Variants in TFDP2 observed in about 807,000 individuals in gnomAD.
TFDP2 encodes transcription factor Dp-2 (E2F dimerization partner 2).
A neutral mutation model predicts 59.3 loss-of-function variants in TFDP2; 17 were observed. The ratio of observed to expected loss-of-function variants is 0.29; its 90% CI spans 0.20 to 0.43. TFDP2 has a LOEUF of 0.43. Ranked by LOEUF, TFDP2 falls within the 20% of genes least tolerant of loss-of-function variation. The pLI is 1.00. For missense variants in TFDP2, 391 were observed against 528.8 expected (o/e 0.74, Z 2.56); for synonymous variants, 180 against 194.7 (o/e 0.92, Z 0.63).
rs548974358 is a variant in TFDP2, at chr3:142,083,084, C to T, written c.82+9977G>A. ...TAGAAAGGAAGAAGTCAAATTATCC[C>T]TGTTTGCAGATAATATATTACATTT... On this transcript the variant is annotated intron_variant, in intron 3 of 12. Coordinates refer to ENST00000489671, the MANE Select transcript of TFDP2 (RefSeq NM_001178139.2). 9.2e-5 allele frequency among the ~76,000 whole-genome samples: 14 copies of T among 152,260 alleles called. No homozygotes were observed. The East Asian group carries it at 2.1e-3, about 23-fold the overall frequency.
intron 4 of TFDP2, among the ~76,000 whole-genome samples, chr3:142,002,242 G>A (rs1463811486): frequency 6.6e-6 from 1 of 151,374 alleles, no homozygotes; most frequent in African/African-American, 2.4e-5. Context: ...TGATCTGCCA[G>A]CCTTGGCCTC....
intron 4 of TFDP2, among the ~76,000 whole-genome samples, chr3:141,996,282 G>T (rs565722307): frequency 2.1e-4 from 32 of 152,278 alleles, no homozygotes; most frequent in African/African-American, 7.7e-4. Context: ...AAAAAAAGGG[G>T]AAGAGGCATG....
chr3:142,134,286 T>C (rs2062633566), intron 1 of TFDP2, among the ~76,000 whole-genome samples: 1 of 150,428 alleles, frequency 6.6e-6, no homozygotes, highest in African/African-American at 2.4e-5. Context: ...GAGGCAGAGG[T>C]TGCAGTGGGC....
chr3:142,080,300 A>G (rs1387085826), intron 3 of TFDP2, among the ~76,000 whole-genome samples: 1 of 152,136 alleles, frequency 6.6e-6, no homozygotes, highest in East Asian at 1.9e-4. Context: ...GGGTTATATT[A>G]TTTGCAAGCC....
In TFDP2 at chr3:142,064,957, T is replaced by C. The variant is rs149272975; in HGVS notation, c.82+28104A>G. ...TTTTTAAAAGGTAGTTCTTATTGAA[T>C]TGTAGTATCTAATTATTTAATATGG... On this transcript the variant is annotated intron_variant, in intron 3 of 12. Coordinates refer to ENST00000489671, the MANE Select transcript of TFDP2 (RefSeq NM_001178139.2). 1.4e-3 allele frequency among the ~76,000 whole-genome samples: 212 copies of C among 152,334 alleles called. 5 individuals are homozygous for C. In the East Asian group the frequency reaches 0.035, roughly 25 times the overall value.
At chr3:142,046,033 T>C (rs1947333369) in intron 3 of TFDP2, among the ~76,000 whole-genome samples, 1 of 152,164 alleles carries the variant, frequency 6.6e-6, no homozygotes, top group Admixed American at 6.5e-5. Context: ...CAAATTAAAA[T>C]TATATACTAT....
chr3:142,037,713 A>G (rs978300512), intron 3 of TFDP2, among the ~76,000 whole-genome samples: 6 of 152,334 alleles, frequency 3.9e-5, no homozygotes, highest in Middle Eastern at 3.4e-3. Context: ...CTTATCTGGG[A>G]CTACAGTAAA....
rs1416386497 is a variant in TFDP2 at position 141,955,020 on chromosome 3, T to C, written c.1052-2004A>G. On this transcript the variant is annotated intron_variant, in intron 11 of 12. Coordinates refer to ENST00000489671, the MANE Select transcript of TFDP2 (RefSeq NM_001178139.2). ...TCTAAGAAGAATAGCAGACTTTAAA[T>C]ACATTAAATAACGACAAGTCTGTAC... 6.6e-5 allele frequency among the ~76,000 whole-genome samples: 10 copies of C among 151,434 alleles called. No individual in the cohort carries two copies. In the Admixed American group the frequency reaches 6.7e-4, roughly 10 times the overall value.
At position 142,012,648 on chromosome 3, in the gene TFDP2, G is replaced by A. The variant is rs577640442; in HGVS notation, c.83-7104C>T. 3.7e-4 allele frequency among the ~76,000 whole-genome samples: 57 copies of A among 152,086 alleles called. No individual in the cohort carries two copies. In the South Asian group the frequency reaches 0.011, roughly 30 times the overall value. ...AAAATGTCCTATTATAAGAGAACAC[G>A]ATTACATTTACCTGAAAAACTACAT... On this transcript the variant is annotated intron_variant, in intron 3 of 12. Coordinates refer to ENST00000489671, the MANE Select transcript of TFDP2 (RefSeq NM_001178139.2).
At position 141,993,579 on chromosome 3, in the gene TFDP2, T is replaced by C; in HGVS notation, c.315A>G (p.Arg105=). Residue 105 remains arginine, a synonymous_variant, in exon 6 of 13, where the codon AGA becomes AGG. Transcript: ENST00000489671. The part of the protein sequence containing the change: ...AEATGWVPGD[R]KRARKFIDSD... ...AGTCTATAAATTTTCTAGCCCGTTT[T>C]CTATCACTAAAAAGGAAAAAAGATA... The C allele has an allele frequency of 6.4e-7, 1 of 1,564,638 alleles. No homozygotes were observed. Among genetic ancestry groups the C allele is most frequent in the South Asian group, 1.2e-5 (1 of 86,588 alleles).
intron 1 of TFDP2, among the ~76,000 whole-genome samples, chr3:142,102,374 G>A (rs980738005): frequency 1.3e-5 from 2 of 151,740 alleles, no homozygotes; most frequent in African/African-American, 4.8e-5. Flanking sequence ...GAACACCAAA[G>A]TACATAATGA....
intron 3 of TFDP2, among the ~76,000 whole-genome samples, chr3:142,012,954 T>C (rs933475845): frequency 6.6e-6 from 1 of 152,058 alleles, no homozygotes; most frequent in Non-Finnish European, 1.5e-5. Context: ...CTGATCAACA[T>C]GGTGAAACCC....
chr3:141,973,570 C>T (rs1372452240), intron 8 of TFDP2, among the ~76,000 whole-genome samples: 1 of 151,950 alleles, frequency 6.6e-6, no homozygotes. Context: ...GGTAAAGACA[C>T]AAATGAAACA....
intron 9 of TFDP2, among the ~76,000 whole-genome samples, chr3:141,966,621 T>A (rs1483828114): frequency 6.6e-6 from 1 of 151,874 alleles, no homozygotes; most frequent in Admixed American, 6.6e-5. Flanking sequence ...TTTTTCAAAC[T>A]CATTAACATC....
intron 11 of TFDP2, among the ~76,000 whole-genome samples, chr3:141,954,034 C>T (rs1375705902): frequency 1.3e-5 from 2 of 151,946 alleles, no homozygotes; most frequent in Non-Finnish European, 2.9e-5. Flanking sequence ...GTGGTGCATG[C>T]CTGTAATCCT....
chr3:142,028,396 C>G (rs890675322), intron 3 of TFDP2, among the ~76,000 whole-genome samples: 4 of 144,284 alleles, frequency 2.8e-5, no homozygotes. Flanking sequence ...AATTCTTCCC[C>G]TCCCCCCCCA....
At position 141,959,735 on chromosome 3, in the gene TFDP2, A is replaced by G. The variant is rs1259149734; in HGVS notation, c.990T>C (p.Ser330=). ...ATTTCGCAAGTTTCAGATCCTCCAGAGAGCATTTGCCTGACTCCAGGCCAA... is the reference window on the plus strand; with the variant it reads ...ATTTCGCAAGTTTCAGATCCTCCAGGGAGCATTTGCCTGACTCCAGGCCAA... ...MSFGLESGKC[S]LEDLKLAKSL... Residue 330 remains serine, a synonymous_variant, in exon 11 of 13, where the codon TCT becomes TCC. Transcript: ENST00000489671. The G allele has an allele frequency of 6.2e-7, 1 of 1,614,198 alleles. No homozygotes were observed. Among genetic ancestry groups the G allele is most frequent in the East Asian group, 2.2e-5 (1 of 44,884 alleles).
Position 142,048,866 on chromosome 3 carries a change from C to T in TFDP2, c.83-43322G>A, listed in dbSNP as rs75911681. On this transcript the variant is annotated intron_variant, in intron 3 of 12. Coordinates refer to ENST00000489671, the MANE Select transcript of TFDP2 (RefSeq NM_001178139.2). ...CAGGCATGAGCCACTGTGCCCAGCC[C>T]GAAAGACGTAATTTGAACTGCCTCT... Among the ~76,000 whole-genome samples, 21 of 152,164 alleles carry T rather than the reference C, an allele frequency of 1.4e-4. No individual in the cohort carries two copies. The South Asian group carries it at 1.9e-3, about 14-fold the overall frequency.
chr3:142,077,570 C>A (rs1349370038), intron 3 of TFDP2, among the ~76,000 whole-genome samples: 1 of 152,138 alleles, frequency 6.6e-6, no homozygotes. Flanking sequence ...CTAGACACAC[C>A]ATGGTCCAGA....
Sources: gnomAD v4.1 joint callset for allele counts (sites outside exome capture counted in the v4.1 genomes callset) on GRCh38, gnomAD v4.1.1 for gene constraint, MANE v1.5 for transcripts, NCBI Gene and HGNC (gene_info 2026-07-23, HGNC 2026-07-21) for gene names.